HECTD3: variants seen among roughly 807,000 people sequenced by gnomAD.
The protein encoded by HECTD3 is HECT domain E3 ubiquitin protein ligase 3.
HECTD3 carries 72 observed loss-of-function variants against 109.3 expected under a neutral mutation model. That is an observed-to-expected ratio of 0.66 (90% CI 0.54 to 0.80). The LOEUF (loss-of-function observed/expected upper bound fraction) is 0.80. HECTD3 is among the 30% of genes least tolerant of loss of function. The pLI, the probability that HECTD3 is intolerant of heterozygous loss-of-function variation, is 0.00. For synonymous variants in HECTD3, 481 were observed against 471.8 expected (o/e 1.02, Z -0.25); for missense variants, 1,041 against 1,165.2 (o/e 0.89, Z 1.55).
Position 45,009,663 on chromosome 1 carries a change from G to A in HECTD3, c.780C>T (p.Cys260=). The A allele has an allele frequency of 1.2e-6, 2 of 1,613,922 alleles. No homozygotes were observed. Among genetic ancestry groups the A allele is most frequent in the Non-Finnish European group, 1.7e-6 (2 of 1,179,872 alleles). The stretch of plus-strand genomic sequence containing the variant: ...AGGTATCGGCATTGCTGTCTGTCAG[G>A]CAGGACACGTTGAACTCCTCCTGGG... ...SSYTEEFNVS[C]LTDSNADTYW... is the part of the protein sequence containing the mutation. Residue 260 remains cysteine (C), a synonymous_variant, in exon 5 of 21, where the codon TGC becomes TGT. Transcript: ENST00000372172.
At chr1:45,007,661 T>A in intron 9 of HECTD3, 66 bp from the exon 10 acceptor site, 1 of 1,351,194 alleles carries the variant, frequency 7.4e-7, no homozygotes, top group Admixed American at 1.9e-5. Context: ...GCCCTGGAAC[T>A]TTCCCCTCTG....
rs750996668 is a variant in HECTD3, at chr1:45,003,758, C to T, written c.2430-18G>A. On this transcript the variant is annotated intron_variant, in intron 19 of 20. Transcript: ENST00000372172. This position sits in a 1 kb window ranked among gnomAD's most constrained non-coding sequence, Gnocchi z 4.7. ...TCTCGTAGCTGGGGGCATTGAGGGA[C>T]CATAGGTCAGGAAGATGTGTTGGGG... The T allele has an allele frequency of 2.5e-6, 4 of 1,613,790 alleles. No homozygotes were observed. The highest frequency in any genetic ancestry group is 2.5e-6 in the Non-Finnish European group (3 of 1,179,840).
rs1278442444 is a variant in HECTD3 at position 45,006,159 on chromosome 1, C to G, written c.1726-43G>C. The stretch of plus-strand genomic sequence containing the variant: ...CTGTGAGTGTGGCATGAGATACACC[C>G]TATTTTCCTGGCCCAAAGACTTCCC... On this transcript the variant is annotated intron_variant, in intron 13 of 20. Transcript: ENST00000372172. The surrounding 1 kb of genome is among the most constrained non-coding windows in gnomAD (Gnocchi z 4.7). The G allele has an allele frequency of 1.9e-5, 31 of 1,594,118 alleles. No individual in the cohort carries two copies. Among genetic ancestry groups the G allele is most frequent in the Non-Finnish European group, 2.6e-5 (30 of 1,165,032 alleles).
chr1:45,009,046 C>A (rs1055262268), intron 7 of HECTD3, 98 bp downstream of exon 7: 17 of 1,032,066 alleles, frequency 1.6e-5, no homozygotes, highest in Non-Finnish European at 2.4e-5. Flanking sequence ...CGCCTTCACC[C>A]CAACTCCAAG....
chr1:45,008,781 A>C lies in HECTD3; in HGVS notation c.1073-80T>G, dbSNP rs1644758409. The C allele has an allele frequency of 2.2e-6, 3 of 1,386,082 alleles. No individual in the cohort carries two copies. In the South Asian group the frequency reaches 3.6e-5, roughly 17 times the overall value. The allele number at this position is 1,386,082 out of a possible 1,614,324, so 85.9% of individuals were successfully genotyped here. ...CTCAGACCTGGGACCGGCTCCTTGAACGCTCAGCCTTGTGTCACCGTTAGC... is the reference window on the plus strand; with the variant it reads ...CTCAGACCTGGGACCGGCTCCTTGACCGCTCAGCCTTGTGTCACCGTTAGC... On this transcript the variant is annotated intron_variant, in intron 7 of 20. Transcript: ENST00000372172.
intron 7 of HECTD3, 80 bp downstream of exon 7, chr1:45,009,064 T>G: frequency 8.5e-7 from 1 of 1,175,696 alleles, no homozygotes; most frequent in Non-Finnish European, 1.3e-6. Flanking sequence ...AAGCCCATCC[T>G]CTTCTCTCCA....
chr1:45,010,925 C>CAGCT lies in HECTD3; in HGVS notation c.329_332dup (p.Cys112AlafsTer118). On this transcript the variant is annotated frameshift_variant, in exon 1 of 21. Transcript: ENST00000372172. LOFTEE classifies it high-confidence loss of function. Reference sequence around the variant, plus strand: ...TCACCCAGAGCCCGTGGCCATTGCACAGCTCCTCGCCCGTGGTGCGCACGC... The same window carrying CAGCT: ...TCACCCAGAGCCCGTGGCCATTGCACAGCTAGCTCCTCGCCCGTGGTGCGCACGC... The CAGCT allele has an allele frequency of 6.5e-7, 1 of 1,549,260 alleles. No homozygotes were observed. The highest frequency in any genetic ancestry group is 8.6e-7 in the Non-Finnish European group (1 of 1,159,744).
chr1:45,009,244 A>G lies in HECTD3; in HGVS notation c.990-18T>C. 4 of 1,603,382 alleles carry G rather than the reference A, an allele frequency of 2.5e-6. No homozygotes were observed. Among genetic ancestry groups the G allele is most frequent in the Non-Finnish European group, 3.4e-6 (4 of 1,170,236 alleles). On this transcript the variant is annotated intron_variant, in intron 6 of 20. Transcript: ENST00000372172. ...TGAGGGTCCTGAGGAGATGAGTGTG[A>G]AGCACTTCAGATACCTCCTGCCTCA...
At position 45,003,295 on chromosome 1, in the gene HECTD3, C is replaced by A; in HGVS notation, c.*197G>T. ...GAAGCAAGCCCCAGCACGGGTAGGG[C>A]TTGTGGGTCTGCGGGGCTGGGCCAC... On this transcript the variant is annotated 3_prime_UTR_variant, in exon 21 of 21. Coordinates refer to ENST00000372172, the MANE Select transcript of HECTD3 (RefSeq NM_024602.6). The surrounding 1 kb of genome is among the most constrained non-coding windows in gnomAD (Gnocchi z 4.7). The A allele has an allele frequency of 1.7e-6, 1 of 592,254 alleles. No homozygotes were observed. 36.7% of individuals were successfully genotyped at this position (592,254 alleles called of 1,614,324 possible).
In HECTD3 at chr1:45,004,486, G is replaced by A. The variant is rs575203576; in HGVS notation, c.2143-109C>T. 1,913 of 1,593,736 alleles carry A rather than the reference G, an allele frequency of 1.2e-3. 2 individuals are homozygous for A. The highest frequency in any genetic ancestry group is 1.5e-3 in the Non-Finnish European group (1,788 of 1,164,088). On this transcript the variant is annotated intron_variant, in intron 16 of 20. Transcript: ENST00000372172. ...CAGCAGAAAGGTGGCACTGAGGAAT[G>A]GTGGGGGCCAGAGTTCTTGGAGTAC...
chr1:45,007,287 A>G lies in HECTD3; in HGVS notation c.1504-16T>C. The G allele has an allele frequency of 6.2e-7, 1 of 1,612,342 alleles. No individual in the cohort carries two copies. The highest frequency in any genetic ancestry group is 8.5e-7 in the Non-Finnish European group (1 of 1,178,948). The stretch of plus-strand genomic sequence containing the variant: ...CTTCATATACCTGGAGGCAAGGAGG[A>G]AAGGAGTCATAGGAAAGCAAGACCT... On this transcript the variant is annotated splice_polypyrimidine_tract_variant and intron_variant, in intron 10 of 20. Coordinates refer to ENST00000372172, the MANE Select transcript of HECTD3 (RefSeq NM_024602.6).
chr1:45,010,620 C>G lies in HECTD3; in HGVS notation c.456G>C (p.Leu152=), dbSNP rs1644781093. 6.2e-7 allele frequency: 1 copy of G among 1,611,710 alleles called. No individual in the cohort carries two copies. Among genetic ancestry groups the G allele is most frequent in the South Asian group, 1.1e-5 (1 of 90,930 alleles). ...GGTGGTTGGGAGTGTCGATGGGTAC[C>G]AGGCGGGCTCCGCCCTCCGCCGGGC... is the stretch of plus-strand genomic sequence containing the variant. The part of the protein sequence containing the change: ...VCRPAEGGAR[L]VPIDTPNHLQ... The change falls in exon 2 of 21, where the codon CTG becomes CTC. Residue 152 remains leucine (L), a synonymous_variant. Transcript: ENST00000372172.
Position 45,009,175 on chromosome 1 carries a change from C to T in HECTD3, c.1041G>A (p.Pro347=), listed in dbSNP as rs1417150991. ...CVLEDMTVHL[P]IIEIRIVECR... ...ACTCCACGATGCGGATCTCGATGAT[C>T]GGGAGGTGGACGGTCATGTCCTCCA... The change falls in exon 7 of 21, where the codon CCG becomes CCA. Residue 347 remains proline, a synonymous_variant. Coordinates refer to ENST00000372172, the MANE Select transcript of HECTD3 (RefSeq NM_024602.6). 8 of 1,614,070 alleles carry T rather than the reference C, an allele frequency of 5.0e-6. No individual in the cohort carries two copies. The highest frequency in any genetic ancestry group is 6.8e-6 in the Non-Finnish European group (8 of 1,179,958).
In HECTD3 at chr1:45,008,385, A is replaced by T. The variant is rs760268043; in HGVS notation, c.1239-64T>A. 4 of 1,512,658 alleles carry T rather than the reference A, an allele frequency of 2.6e-6. No individual in the cohort carries two copies. The Admixed American group carries it at 5.0e-5, about 19-fold the overall frequency. 93.7% of individuals were successfully genotyped at this position (1,512,658 alleles called of 1,614,324 possible). A position where few individuals can be genotyped will look rare whatever the true frequency, so the allele number is the denominator to read the frequency against. On this transcript the variant is annotated intron_variant, in intron 8 of 20. Coordinates refer to ENST00000372172, the MANE Select transcript of HECTD3 (RefSeq NM_024602.6). ...ATACCTGTAACACCCCCAACTCCCC[A>T]ACATAAAGGGACAGGAAAAGGCAGG... is the stretch of plus-strand genomic sequence containing the variant.
At position 45,008,331 on chromosome 1, in the gene HECTD3, G is replaced by A. The variant is rs1449482871; in HGVS notation, c.1239-10C>T. ...GAGGATCTTGATGAATCTGGCATGG[G>A]TAGATAGACTGCAGCTAAAGAGTTT... On this transcript the variant is annotated splice_polypyrimidine_tract_variant and intron_variant, in intron 8 of 20. Transcript: ENST00000372172. The A allele has an allele frequency of 6.2e-7, 1 of 1,609,230 alleles. No individual in the cohort carries two copies. The highest frequency in any genetic ancestry group is 1.1e-5 in the South Asian group (1 of 90,994).
chr1:45,007,339 T>G (rs1346076845), intron 10 of HECTD3, 68 bp from the exon 11 acceptor site: 14 of 1,603,386 alleles, frequency 8.7e-6, no homozygotes, highest in Non-Finnish European at 1.2e-5. Flanking sequence ...CAAGAACTTG[T>G]TCAGGTCCCT....
Position 45,009,987 on chromosome 1 carries a change from G to A in HECTD3, c.758C>T (p.Thr253Met), listed in dbSNP as rs757092541. 4.6e-6 allele frequency: 7 copies of A among 1,530,576 alleles called. No homozygotes were observed. Among genetic ancestry groups the A allele is most frequent in the South Asian group, 1.3e-5 (1 of 78,734 alleles). 94.8% of individuals were successfully genotyped at this position (1,530,576 alleles called of 1,614,324 possible). ...YVESIDVSSY[T>M]EEFNVSCLTD... ...GGTGGGAGGAGCCCCAGCACCCACC[G>A]TGTAGGAGGAAACGTCTATGCTCTC... is the stretch of plus-strand genomic sequence containing the variant. The change falls in exon 4 of 21, where the codon ACG (threonine) becomes ATG (methionine). Residue 253 changes from threonine to methionine, a missense_variant and splice_region_variant. This residue lies in a region of HECTD3 where 472 missense variants were observed against 449.9 expected (regional missense o/e 1.05). Transcript: ENST00000372172.
chr1:45,004,855 G>T, intron 15 of HECTD3, 49 bp from the exon 16 acceptor site: 1 of 1,523,526 alleles, frequency 6.6e-7, no homozygotes, highest in Non-Finnish European at 9.1e-7. Flanking sequence ...TGTGGAGATA[G>T]TCCCTGTCTT....
Position 45,003,974 on chromosome 1 carries a change from G to A in HECTD3, c.2348-38C>T. 1 of 1,612,828 alleles carries A rather than the reference G, an allele frequency of 6.2e-7. No individual in the cohort carries two copies. Among genetic ancestry groups the A allele is most frequent in the Non-Finnish European group, 8.5e-7 (1 of 1,178,974 alleles). ...GGAAATCAGTGCCTGCATGGATGGT[G>A]AGGGAGGGTCTACAACTTCTACCCT... On this transcript the variant is annotated intron_variant, in intron 18 of 20. Coordinates refer to ENST00000372172, the MANE Select transcript of HECTD3 (RefSeq NM_024602.6). The surrounding 1 kb of genome is among the most constrained non-coding windows in gnomAD (Gnocchi z 4.7).
Sources: allele counts gnomAD v4.1 joint callset, GRCh38; gene constraint gnomAD v4.1.1; regional missense constraint gnomAD v4.1.1; non-coding constraint Gnocchi (gnomAD v3.1); transcripts MANE v1.5; gene names NCBI Gene and HGNC (gene_info 2026-07-23, HGNC 2026-07-21).